XRN2: variants seen among roughly 807,000 people sequenced by gnomAD.
XRN2 encodes 5'-3' exoribonuclease 2, also known as DHM1-like protein.
XRN2 carries 44 observed loss-of-function variants against 138.5 expected under a neutral mutation model. The ratio of observed to expected loss-of-function variants is 0.32; its 90% CI spans 0.25 to 0.41. The LOEUF is 0.41. Among genes scored for constraint, XRN2 ranks in the 10% least tolerant of loss-of-function variants. The pLI is 1.00. For missense variants in XRN2, 937 were observed against 1,169.3 expected (o/e 0.80, Z 2.90); for synonymous variants, 354 against 369.4 (o/e 0.96, Z 0.48).
intron 27 of XRN2, among the ~76,000 whole-genome samples, chr20:21,375,010 CTTTTTTTTTTTTTTTTT>C (rs34212552): frequency 1.4e-3 from 64 of 44,700 alleles, no homozygotes; most frequent in African/African-American, 5.7e-3. Flanking sequence ...TTGGTAAGTT[CTTTTTTTTTTTTTTTTT>C]TTTTTTTTGG....
At chr20:21,308,964 A>G (rs6035839) in intron 1 of XRN2, among the ~76,000 whole-genome samples, 103,149 of 152,060 alleles carry the variant, frequency 0.68, 35,724 homozygotes, top group South Asian at 0.84. Context: ...TGGTCTAGTC[A>G]TATGGTGAAT....
intron 6 of XRN2, among the ~76,000 whole-genome samples, chr20:21,330,973 T>G (rs964058306): frequency 6.6e-6 from 1 of 152,128 alleles, no homozygotes; most frequent in Non-Finnish European, 1.5e-5. Flanking sequence ...AAAATATATA[T>G]AGGAAAGTAA....
chr20:21,333,776 G>C lies in XRN2; in HGVS notation c.1006G>C (p.Val336Leu), dbSNP rs143317904. ...FDVERSIDDW[V>L]FMCFFVGNDF... ...TGTTGAGAGGAGCATTGATGACTGG[G>C]TTTTCATGTGCTTCTTTGTGGGAAA... Residue 336 changes from valine (V) to leucine (L), a missense_variant, in exon 11 of 30, where the codon GTT becomes CTT. Physicochemically the swap from Val to Leu is conservative, Grantham distance 32. Around this residue, in one of 6 missense-constraint regions of XRN2, gnomAD observed 471 missense variants for 581.2 expected, o/e 0.81. Coordinates refer to ENST00000377191, the MANE Select transcript of XRN2 (RefSeq NM_012255.5). 2.5e-6 allele frequency: 4 copies of C among 1,614,084 alleles called. No homozygotes were observed. The highest frequency in any genetic ancestry group is 3.4e-6 in the Non-Finnish European group (4 of 1,180,006).
intron 20 of XRN2, among the ~76,000 whole-genome samples, chr20:21,350,444 T>TAA (rs2038493075): frequency 7.5e-6 from 1 of 133,488 alleles, no homozygotes; most frequent in Non-Finnish European, 1.5e-5. Context: ...GAGAATGGCG[T>TAA]GAACCCGGGA....
At chr20:21,345,788 G>C (rs2038428677) in intron 16 of XRN2, among the ~76,000 whole-genome samples, 1 of 152,116 alleles carries the variant, frequency 6.6e-6, no homozygotes, top group South Asian at 2.1e-4. Flanking sequence ...TAGAGATATA[G>C]AATGTGTATG....
chr20:21,384,209 T>G (rs1366826470), intron 28 of XRN2, among the ~76,000 whole-genome samples: 1 of 152,224 alleles, frequency 6.6e-6, no homozygotes, highest in Non-Finnish European at 1.5e-5. Flanking sequence ...CCTTTGTCAC[T>G]TGAGTTTTGC....
intron 1 of XRN2, among the ~76,000 whole-genome samples, chr20:21,321,575 C>T (rs2038046848): frequency 6.6e-6 from 1 of 152,060 alleles, no homozygotes; most frequent in African/African-American, 2.4e-5. Context: ...CCGCTTCAGC[C>T]TCCCAAAATG....
intron 27 of XRN2, among the ~76,000 whole-genome samples, chr20:21,381,713 T>TAC (rs10523116): frequency 0.013 from 1,953 of 150,212 alleles, 17 homozygotes; most frequent in Non-Finnish European, 0.019. Context: ...TACACACACA[T>TAC]ACACACACAC....
rs1003313622 is a variant in XRN2, at chr20:21,342,403, T to A, written c.1410+1551T>A. ...ATTTGAATTTAATATGAATCTGGTA[T>A]GTTCACAAGGGAATATTTTTGTTGG... On this transcript the variant is annotated intron_variant, in intron 15 of 29. Coordinates refer to ENST00000377191, the MANE Select transcript of XRN2 (RefSeq NM_012255.5). Among the ~76,000 whole-genome samples the A allele has an allele frequency of 2.0e-5, 3 of 152,352 alleles. No homozygotes were observed. The South Asian group carries it at 6.2e-4, about 32-fold the overall frequency.
intron 27 of XRN2, among the ~76,000 whole-genome samples, chr20:21,374,917 T>TCCTTTATGAAA (rs775605875): frequency 1.3e-3 from 193 of 151,908 alleles, no homozygotes; most frequent in Non-Finnish European, 2.0e-3. Flanking sequence ...GCTTAGAGAT[T>TCCTTTATGAAA]CCTTTATGAA....
chr20:21,303,747 C>G, intron 1 of XRN2: 4 of 1,204,038 alleles, frequency 3.3e-6, no homozygotes, highest in Non-Finnish European at 4.1e-6. Context: ...CGCTTTTTCC[C>G]GGCACCGGAA....
Position 21,365,898 on chromosome 20 carries a change from AT to A in XRN2, c.2456+195del, listed in dbSNP as rs1205873440. On this transcript the variant is annotated intron_variant, in intron 26 of 29. Transcript: ENST00000377191. The stretch of plus-strand genomic sequence containing the variant: ...ATATAATATTATATAATATATAATT[AT>A]ATATATAATATATATAATATAATAT... 2.7e-3 allele frequency among the ~76,000 whole-genome samples: 234 copies of A among 86,016 alleles called. 2 individuals are homozygous for A. The highest frequency in any genetic ancestry group is 0.01 in the African/African-American group (225 of 22,104). The allele number at this position is 86,016 out of a possible 152,430, so 56.4% of individuals were successfully genotyped here. A position where few individuals can be genotyped will look rare whatever the true frequency, so the allele number is the denominator to read the frequency against.
In XRN2 at chr20:21,306,698, TA is replaced by T. The variant is rs2037816531; in HGVS notation, c.75+3226del. Among the ~76,000 whole-genome samples, 2 of 76,434 alleles carry T rather than the reference TA, an allele frequency of 2.6e-5. 1 individual carries two copies. The highest frequency in any genetic ancestry group is 7.2e-5 in the African/African-American group (2 of 27,942). The allele number at this position is 76,434 out of a possible 152,430, so 50.1% of individuals were successfully genotyped here. A position where few individuals can be genotyped will look rare whatever the true frequency, so the allele number is the denominator to read the frequency against. On this transcript the variant is annotated intron_variant, in intron 1 of 29. Transcript: ENST00000377191. The stretch of plus-strand genomic sequence containing the variant: ...GTTATTTGGAGACAACCAATATTGT[TA>T]TTATGTTATAATAATTACTATGTTT...
chr20:21,388,774 T>A (rs918369840), intron 29 of XRN2, among the ~76,000 whole-genome samples: 1 of 152,258 alleles, frequency 6.6e-6, no homozygotes. Flanking sequence ...GTAATAACCT[T>A]AATATGTCAT....
At chr20:21,304,072 T>G (rs896087789) in intron 1 of XRN2, among the ~76,000 whole-genome samples, 4 of 152,208 alleles carry the variant, frequency 2.6e-5, no homozygotes, top group Non-Finnish European at 5.9e-5. Context: ...TACCCTTCTC[T>G]GTGTGCCCTG....
chr20:21,315,480 G>A (rs1401618949), intron 1 of XRN2, among the ~76,000 whole-genome samples: 1 of 152,036 alleles, frequency 6.6e-6, no homozygotes, highest in East Asian at 1.9e-4. Flanking sequence ...GTCTATTTAG[G>A]TTCTTTGTCT....
At chr20:21,304,320 C>T in intron 1 of XRN2, among the ~76,000 whole-genome samples, 1 of 149,536 alleles carries the variant, frequency 6.7e-6, no homozygotes, top group East Asian at 1.9e-4. Context: ...GAAGGCAGTG[C>T]TTGCCTGTCA....
At chr20:21,349,765 A>G (rs2038483320) in intron 20 of XRN2, among the ~76,000 whole-genome samples, 1 of 152,198 alleles carries the variant, frequency 6.6e-6, no homozygotes. Flanking sequence ...ATGAATAAAT[A>G]AATATTTTAA....
At chr20:21,369,785 A>G (rs1457884300) in intron 27 of XRN2, among the ~76,000 whole-genome samples, 2 of 151,466 alleles carry the variant, frequency 1.3e-5, no homozygotes, top group African/African-American at 4.9e-5. Context: ...TGTCAAATGG[A>G]TAGTTTGCAG....
Sources: gnomAD v4.1 joint callset for allele counts (sites outside exome capture counted in the v4.1 genomes callset) on GRCh38, gnomAD v4.1.1 for gene constraint, gnomAD v4.1.1 regional missense constraint, MANE v1.5 for transcripts, NCBI Gene and HGNC (gene_info 2026-07-23, HGNC 2026-07-21) for gene names.